The following PXDN variants were observed in gnomAD, a reference collection of about 807,000 sequenced individuals.
PXDN encodes the protein peroxidasin.
A neutral mutation model predicts 140.3 loss-of-function variants in PXDN; 77 were observed. The observed-to-expected ratio is 0.55, with a 90% CI of 0.46 to 0.66. PXDN has a LOEUF of 0.66. Among genes scored for constraint, PXDN ranks in the 30% least tolerant of loss-of-function variants. The probability of loss-of-function intolerance (pLI) is 0.00; values close to 1 mark genes in which losing one functional copy is unlikely to be tolerated. For synonymous variants in PXDN, 911 were observed against 857.4 expected (o/e 1.06, Z -1.09); for missense variants, 1,838 against 2,039.5 (o/e 0.90, Z 1.90).
intron 4 of PXDN, among the ~76,000 whole-genome samples, chr2:1,686,479 C>A (rs1357403583): frequency 2.0e-5 from 3 of 152,138 alleles, no homozygotes; most frequent in African/African-American, 7.2e-5. Context: ...CAGCACAAAG[C>A]CAGATGAGGA....
At chr2:1,643,284 C>T in intron 19 of PXDN, 84 bp downstream of exon 19, 1 of 1,301,112 alleles carries the variant, frequency 7.7e-7, no homozygotes, top group South Asian at 1.2e-5. Context: ...ATTAGGATGA[C>T]ATCTGCAGGT....
At position 1,644,597 on chromosome 2, in the gene PXDN, C is replaced by T. The variant is rs753231623; in HGVS notation, c.3743+21G>A. 11 of 1,577,008 alleles carry T rather than the reference C, an allele frequency of 7.0e-6. No individual in the cohort carries two copies. In the East Asian group the frequency reaches 1.6e-4, roughly 23 times the overall value. The stretch of plus-strand genomic sequence containing the variant: ...GAAGGTGGCTTAGGAGCGTGCTCCC[C>T]TTTCTGGTGCACGTGCTCACCTGTC... On this transcript the variant is annotated intron_variant, in intron 18 of 22. Transcript: ENST00000252804.
At chr2:1,689,543 G>A (rs542982008) in intron 3 of PXDN, among the ~76,000 whole-genome samples, 1 of 152,158 alleles carries the variant, frequency 6.6e-6, no homozygotes, top group Non-Finnish European at 1.5e-5. Context: ...AGCACTTTGG[G>A]AGGCCAAGGT....
chr2:1,655,317 G>A (rs750999558), intron 14 of PXDN, among the ~76,000 whole-genome samples: 4 of 146,606 alleles, frequency 2.7e-5, no homozygotes, highest in African/African-American at 5.1e-5. Context: ...TCACACACAC[G>A]CCACACACAG....
chr2:1,689,477 T>C (rs963965213), intron 3 of PXDN, among the ~76,000 whole-genome samples: 4 of 152,182 alleles, frequency 2.6e-5, no homozygotes, highest in African/African-American at 9.6e-5. Context: ...ACGTAATTTG[T>C]TTTCATGAGA....
rs769348993 is a variant in PXDN, at chr2:1,683,735, AAG to A, written c.489-10_489-9del. The A allele has an allele frequency of 6.3e-7, 1 of 1,593,976 alleles. No homozygotes were observed. The highest frequency in any genetic ancestry group is 8.5e-7 in the Non-Finnish European group (1 of 1,171,512). On this transcript the variant is annotated splice_polypyrimidine_tract_variant and intron_variant, in intron 5 of 22. Coordinates refer to ENST00000252804, the MANE Select transcript of PXDN (RefSeq NM_012293.3). The stretch of plus-strand genomic sequence containing the variant: ...CGGTTGTTATGCAAAAATCTGTTGA[AAG>A]AGATTTTATAACAAACCAATTTTGA...
In PXDN at chr2:1,648,023, C is replaced by T; in HGVS notation, c.3608+149G>A. ...GCAGCCACGGGAGGCTGCAGGTTCC[C>T]ATCTTGACCTTCATGGACTTGACCT... On this transcript the variant is annotated intron_variant, in intron 17 of 22. Transcript: ENST00000252804. This position sits in a 1 kb window ranked among gnomAD's most constrained non-coding sequence, Gnocchi z 8.9. The T allele has an allele frequency of 8.5e-7, 1 of 1,173,136 alleles. No individual in the cohort carries two copies. The highest frequency in any genetic ancestry group is 1.2e-6 in the Non-Finnish European group (1 of 829,352). 72.7% of individuals were successfully genotyped at this position (1,173,136 alleles called of 1,614,324 possible).
chr2:1,677,407 G>A (rs1414135159), intron 7 of PXDN, among the ~76,000 whole-genome samples: 1 of 152,126 alleles, frequency 6.6e-6, no homozygotes, highest in Non-Finnish European at 1.5e-5. Context: ...CTGAAGAAAA[G>A]ACAAAAAATA....
intron 1 of PXDN, among the ~76,000 whole-genome samples, chr2:1,710,543 T>C (rs67440960): frequency 0.35 from 49,706 of 143,130 alleles, 9,647 homozygotes; most frequent in Middle Eastern, 0.46. Context: ...GAACACCCAC[T>C]CCACCAGCAC....
Position 1,660,763 on chromosome 2 carries a change from G to T in PXDN, c.1837+118C>A. The T allele has an allele frequency of 1.5e-6, 2 of 1,315,822 alleles. No homozygotes were observed. The highest frequency in any genetic ancestry group is 2.0e-6 in the Non-Finnish European group (2 of 978,080). 81.5% of individuals were successfully genotyped at this position (1,315,822 alleles called of 1,614,324 possible). A position where few individuals can be genotyped will look rare whatever the true frequency, so the allele number is the denominator to read the frequency against. The stretch of plus-strand genomic sequence containing the variant: ...GTGTCCCCACCTGGGAATCAAGGGT[G>T]CTTTGTCTTCTGAATAATTCTGAAC... On this transcript the variant is annotated intron_variant, in intron 14 of 22. Coordinates refer to ENST00000252804, the MANE Select transcript of PXDN (RefSeq NM_012293.3). This position sits in a 1 kb window ranked among gnomAD's most constrained non-coding sequence, Gnocchi z 4.6.
chr2:1,703,100 A>G (rs368311091), intron 1 of PXDN, among the ~76,000 whole-genome samples: 3 of 2,002 alleles, frequency 1.5e-3, no homozygotes, highest in Admixed American at 6.0e-3. Flanking sequence ...TGAAGGGGGG[A>G]CAACTCCAGG....
Position 1,711,614 on chromosome 2 carries a change from CACTCTCCACCA to C in PXDN, c.201-18491_201-18481del, listed in dbSNP as rs1263670356. Among the ~76,000 whole-genome samples the C allele has an allele frequency of 6.1e-4, 44 of 72,470 alleles. 2 individuals carry two copies. The highest frequency in any genetic ancestry group is 1.0e-3 in the African/African-American group (15 of 15,062). 47.5% of individuals were successfully genotyped at this position (72,470 alleles called of 152,430 possible). A position where few individuals can be genotyped will look rare whatever the true frequency, so the allele number is the denominator to read the frequency against. On this transcript the variant is annotated intron_variant, in intron 1 of 22. Coordinates refer to ENST00000252804, the MANE Select transcript of PXDN (RefSeq NM_012293.3). ...CCAGCACCCACTCTCCACCAGCACC[CACTCTCCACCA>C]GCACCCGCTCCACCAGCACCCACTC... is the stretch of plus-strand genomic sequence containing the variant.
chr2:1,643,746 T>G (rs1253996073), intron 18 of PXDN, among the ~76,000 whole-genome samples, 170 bp from the exon 19 acceptor site: 1 of 151,900 alleles, frequency 6.6e-6, no homozygotes, highest in Non-Finnish European at 1.5e-5. Context: ...CCCTACCCCA[T>G]AACAAAACCA....
chr2:1,711,265 G>A (rs1453747559), intron 1 of PXDN, among the ~76,000 whole-genome samples: 4 of 63,008 alleles, frequency 6.3e-5, no homozygotes, highest in Admixed American at 2.1e-4. Context: ...ACCAGCACCC[G>A]CTCCACCAGC....
chr2:1,697,068 G>A (rs1223748941), intron 1 of PXDN, among the ~76,000 whole-genome samples: 1 of 152,180 alleles, frequency 6.6e-6, no homozygotes. Flanking sequence ...TGTTAGAAAA[G>A]CAAATTCTGG....
chr2:1,658,217 T>C (rs1683212293), intron 14 of PXDN, among the ~76,000 whole-genome samples: 1 of 151,916 alleles, frequency 6.6e-6, no homozygotes, highest in African/African-American at 2.4e-5. Flanking sequence ...AGCATCTCCC[T>C]GTGTGGTTCC....
chr2:1,635,658 T>C (rs948056120), intron 21 of PXDN, 137 bp from the exon 22 acceptor site: 4 of 747,154 alleles, frequency 5.4e-6, no homozygotes, highest in Admixed American at 2.0e-5. Flanking sequence ...TGAAGAACTT[T>C]TACAGAATCT....
chr2:1,679,191 CGTGT>C (rs950509216), intron 7 of PXDN, among the ~76,000 whole-genome samples: 7 of 136,392 alleles, frequency 5.1e-5, no homozygotes, highest in Non-Finnish European at 1.1e-4. Context: ...CGTGTATGTG[CGTGT>C]GTGTGGTTTG....
intron 1 of PXDN, among the ~76,000 whole-genome samples, chr2:1,703,293 GGA>G (rs1684489767): frequency 1.4e-4 from 1 of 7,356 alleles, no homozygotes. Context: ...TGAAGGTAGG[GGA>G]CAACTCCAGG....
Sources: allele counts gnomAD v4.1 joint callset (sites outside exome capture counted in the v4.1 genomes callset), GRCh38; gene constraint gnomAD v4.1.1; non-coding constraint Gnocchi (gnomAD v3.1); transcripts MANE v1.5; gene names NCBI Gene and HGNC (gene_info 2026-07-23, HGNC 2026-07-21).